The following CAMKMT variants were observed in gnomAD, a reference collection of about 807,000 sequenced individuals.
The protein encoded by CAMKMT is calmodulin-lysine N-methyltransferase, also known as CaM KMT.
Under a neutral mutation model 48.0 loss-of-function variants are expected in CAMKMT, and 53 were observed. The ratio of observed to expected loss-of-function variants is 1.10; its 90% CI spans 0.89 to 1.39. The LOEUF (loss-of-function observed/expected upper bound fraction) is 1.39, where lower values mean the gene tolerates loss of function less well. Among genes scored for constraint, CAMKMT ranks in the 40% most tolerant of loss-of-function variants. CAMKMT has a pLI of 0.00. For missense variants in CAMKMT, 428 were observed against 402.7 expected, an observed-to-expected ratio of 1.06 and a Z score of -0.54; for synonymous variants, 165 against 152.3, an observed-to-expected ratio of 1.08 and a Z score of -0.61.
chr2:44,393,824 C>G (rs919501675), intron 3 of CAMKMT, among the ~76,000 whole-genome samples: 1 of 152,234 alleles, frequency 6.6e-6, no homozygotes, highest in African/African-American at 2.4e-5. Flanking sequence ...GGACTCCTTT[C>G]TAGCTTGTCC....
chr2:44,449,415 A>G (rs140814548), intron 3 of CAMKMT, among the ~76,000 whole-genome samples: 2,708 of 152,192 alleles, frequency 0.018, 86 homozygotes, highest in African/African-American at 0.062. Context: ...GGATATTTTT[A>G]CTTGTATAAC....
intron 3 of CAMKMT, among the ~76,000 whole-genome samples, chr2:44,505,929 G>A (rs1029954580): frequency 2.6e-5 from 4 of 151,792 alleles, no homozygotes; most frequent in Non-Finnish European, 4.4e-5. Context: ...GTGCAGTGGC[G>A]CGATCTTGGC....
rs1558567809 is a variant in CAMKMT, at chr2:44,390,249, GTGGATCC to G, written c.322_328del (p.Gly108Ter). 8 of 1,608,632 alleles carry G rather than the reference GTGGATCC, an allele frequency of 5.0e-6. No homozygotes were observed. In the South Asian group the frequency reaches 8.9e-5, roughly 18 times the overall value. ...GCTTTACTCCTTTCTAGGCATAATA[GTGGATCC>G]TTGAATGTTGAAGATGTCCTTACCA... On this transcript the variant is annotated frameshift_variant, in exon 3 of 11. Transcript: ENST00000378494. LOFTEE classifies it high-confidence loss of function.
rs1191302900 is a variant in CAMKMT at position 44,410,256 on chromosome 2, T to A, written c.376+19951T>A. 0.01 allele frequency among the ~76,000 whole-genome samples: 125 copies of A among 11,938 alleles called. 10 individuals are homozygous for A. The Middle Eastern group carries it at 0.22, about 21-fold the overall frequency. The allele number at this position is 11,938 out of a possible 152,430, so 7.8% of individuals were successfully genotyped here. On this transcript the variant is annotated intron_variant, in intron 3 of 10. Transcript: ENST00000378494. Reference sequence around the variant, plus strand: ...GTATATATATATATATATTTTTTTTTTTTTTTTTTTTTTTTTTTGAGACGG... The same window carrying A: ...GTATATATATATATATATTTTTTTTATTTTTTTTTTTTTTTTTTGAGACGG...
At chr2:44,432,957 G>A (rs1684738719) in intron 3 of CAMKMT, among the ~76,000 whole-genome samples, 1 of 152,080 alleles carries the variant, frequency 6.6e-6, no homozygotes, top group Non-Finnish European at 1.5e-5. Flanking sequence ...GTTGGCACAT[G>A]GTAAATGCTC....
In CAMKMT at chr2:44,663,675, T is replaced by C. The variant is rs1401089711; in HGVS notation, c.377-40608T>C. Reference sequence around the variant, plus strand: ...AGTTATGCCCCAATGCCTATTCTCATGGGGTTTTAATTGCCTATAACATTT... The same window carrying C: ...AGTTATGCCCCAATGCCTATTCTCACGGGGTTTTAATTGCCTATAACATTT... On this transcript the variant is annotated intron_variant, in intron 3 of 10. Coordinates refer to ENST00000378494, the MANE Select transcript of CAMKMT (RefSeq NM_024766.5). Among the ~76,000 whole-genome samples the C allele has an allele frequency of 2.6e-5, 4 of 152,218 alleles. No homozygotes were observed. The South Asian group carries it at 6.2e-4, about 24-fold the overall frequency.
At chr2:44,674,236 G>A (rs987065335) in intron 3 of CAMKMT, among the ~76,000 whole-genome samples, 2 of 152,128 alleles carry the variant, frequency 1.3e-5, no homozygotes, top group South Asian at 2.1e-4. Flanking sequence ...AGAAGGAAAG[G>A]TTGATAATCC....
intron 3 of CAMKMT, among the ~76,000 whole-genome samples, chr2:44,390,759 A>G (rs1463440636): frequency 6.6e-6 from 1 of 152,118 alleles, no homozygotes; most frequent in Non-Finnish European, 1.5e-5. Flanking sequence ...TCTTGATGCT[A>G]CTATACATTA....
rs542902640 is a variant in CAMKMT at position 44,548,682 on chromosome 2, G to C, written c.377-155601G>C. 2.7e-4 allele frequency among the ~76,000 whole-genome samples: 41 copies of C among 152,308 alleles called. No individual in the cohort carries two copies. The South Asian group carries it at 8.5e-3, about 32-fold the overall frequency. ...AGACGGGAAGTCAGAGACGAAGCAGGAGAAGGATTTGCTGGCTTGAAGATG... is the reference window on the plus strand; with the variant it reads ...AGACGGGAAGTCAGAGACGAAGCAGCAGAAGGATTTGCTGGCTTGAAGATG... On this transcript the variant is annotated intron_variant, in intron 3 of 10. Transcript: ENST00000378494.
At chr2:44,501,832 TATAATTAC>T (rs1271471761) in intron 3 of CAMKMT, among the ~76,000 whole-genome samples, 1 of 151,786 alleles carries the variant, frequency 6.6e-6, no homozygotes, top group South Asian at 2.1e-4. Context: ...TGCAGTGAGC[TATAATTAC>T]ATCACTGCAT....
chr2:44,696,431 G>A (rs936099689), intron 3 of CAMKMT, among the ~76,000 whole-genome samples: 4 of 152,130 alleles, frequency 2.6e-5, no homozygotes, highest in African/African-American at 7.2e-5. Flanking sequence ...GAGTTGAAGG[G>A]GATGAAACTA....
At chr2:44,675,169 C>T (rs1675608688) in intron 3 of CAMKMT, among the ~76,000 whole-genome samples, 1 of 152,064 alleles carries the variant, frequency 6.6e-6, no homozygotes, top group East Asian at 1.9e-4. Flanking sequence ...CATCTTTCTC[C>T]TCTGTATCCC....
At chr2:44,678,814 GC>G (rs1009497294) in intron 3 of CAMKMT, among the ~76,000 whole-genome samples, 24 of 152,106 alleles carry the variant, frequency 1.6e-4, no homozygotes, top group Non-Finnish European at 3.2e-4. Flanking sequence ...GAAAGTGGGA[GC>G]CCCTGGTATT....
At chr2:44,753,678 C>T (rs1026197678) in intron 8 of CAMKMT, among the ~76,000 whole-genome samples, 4 of 152,200 alleles carry the variant, frequency 2.6e-5, no homozygotes, top group African/African-American at 7.2e-5. Context: ...AGCCACACAG[C>T]ACCCTTGGTG....
At chr2:44,508,502 C>T (rs1186329624) in intron 3 of CAMKMT, among the ~76,000 whole-genome samples, 1 of 152,126 alleles carries the variant, frequency 6.6e-6, no homozygotes, top group Non-Finnish European at 1.5e-5. Context: ...TCTTTCCTTC[C>T]CTCACACTCA....
chr2:44,557,505 C>T (rs977514359), intron 3 of CAMKMT, among the ~76,000 whole-genome samples: 6 of 152,164 alleles, frequency 3.9e-5, no homozygotes, highest in African/African-American at 9.7e-5. Context: ...GGTGATGTTG[C>T]TCCTCATCTT....
At chr2:44,660,781 GT>G (rs1428737973) in intron 3 of CAMKMT, among the ~76,000 whole-genome samples, 1 of 151,968 alleles carries the variant, frequency 6.6e-6, no homozygotes, top group Non-Finnish European at 1.5e-5. Context: ...CAAATGTTTT[GT>G]GTATTTTGTA....
intron 3 of CAMKMT, among the ~76,000 whole-genome samples, chr2:44,489,500 C>A (rs148471321): frequency 0.017 from 2,546 of 152,274 alleles, 35 homozygotes; most frequent in Non-Finnish European, 0.024. Context: ...CCTGCCTTGG[C>A]CTCCCAAAGT....
intron 3 of CAMKMT, among the ~76,000 whole-genome samples, chr2:44,599,871 GA>G (rs1670882837): frequency 6.6e-6 from 1 of 151,026 alleles, no homozygotes; most frequent in South Asian, 2.1e-4. Context: ...TTTGCTTTAA[GA>G]AACTAGGAAG....
Sources: allele counts gnomAD v4.1 joint callset (sites outside exome capture counted in the v4.1 genomes callset), GRCh38; gene constraint gnomAD v4.1.1; transcripts MANE v1.5; gene names NCBI Gene and HGNC (gene_info 2026-07-23, HGNC 2026-07-21).